The following SHISA9 variants were observed in gnomAD, a reference collection of about 807,000 sequenced individuals.
SHISA9 encodes the protein shisa family member 9.
SHISA9 carries 13 observed loss-of-function variants against 38.0 expected under a neutral mutation model. The ratio of observed to expected loss-of-function variants is 0.34; its 90% confidence interval spans 0.22 to 0.54. The LOEUF is 0.54. Among genes scored for constraint, SHISA9 ranks in the 20% least tolerant of loss-of-function variants. SHISA9 has a pLI of 0.91. For synonymous variants in SHISA9, 275 were observed against 242.0 expected (o/e 1.14, Z -1.27); for missense variants, 538 against 575.8 (o/e 0.93, Z 0.67).
chr16:13,434,922 T>C, the SHISA9 span, among the ~76,000 whole-genome samples: 5 of 152,316 alleles, frequency 3.3e-5, no homozygotes, highest in South Asian at 1.0e-3. Context: ...TAGAAAGAGA[T>C]TGGTGCTTTT....
intron 2 of SHISA9, among the ~76,000 whole-genome samples, chr16:12,921,593 C>T (rs971214992): frequency 6.6e-6 from 1 of 152,044 alleles, no homozygotes; most frequent in Non-Finnish European, 1.5e-5. Context: ...GAGACCCTGT[C>T]TCTAAAAAAA....
the SHISA9 span, among the ~76,000 whole-genome samples, chr16:13,496,149 C>T: frequency 2.8e-4 from 43 of 152,226 alleles, no homozygotes; most frequent in African/African-American, 1.0e-3. Flanking sequence ...CTTTTATATT[C>T]TGCATGTAGC....
chr16:13,199,275 C>T (rs2050981088), intron 2 of SHISA9, among the ~76,000 whole-genome samples: 1 of 152,114 alleles, frequency 6.6e-6, no homozygotes, highest in Non-Finnish European at 1.5e-5. Flanking sequence ...GGTAGGGGGG[C>T]CTACCATTGA....
intron 2 of SHISA9, among the ~76,000 whole-genome samples, chr16:12,969,662 G>C (rs2141805726): frequency 6.6e-6 from 1 of 152,252 alleles, no homozygotes; most frequent in East Asian, 1.9e-4. Context: ...CGGGAGAATT[G>C]CTTGAACCCG....
the SHISA9 span, among the ~76,000 whole-genome samples, chr16:13,396,871 A>C: frequency 6.6e-6 from 1 of 152,054 alleles, no homozygotes; most frequent in Non-Finnish European, 1.5e-5. Context: ...ACTACTTTTC[A>C]TAATTTGCAA....
At chr16:13,084,761 CCAT>C (rs2073692345) in intron 2 of SHISA9, among the ~76,000 whole-genome samples, 1 of 149,848 alleles carries the variant, frequency 6.7e-6, no homozygotes. Context: ...AGACCATAGA[CCAT>C]AGACAGACTG....
chr16:13,396,754 A>G, the SHISA9 span, among the ~76,000 whole-genome samples: 1 of 152,066 alleles, frequency 6.6e-6, no homozygotes, highest in Non-Finnish European at 1.5e-5. Context: ...CATCCTTCTC[A>G]TTCTTCACTT....
intron 2 of SHISA9, among the ~76,000 whole-genome samples, chr16:13,171,899 T>A (rs997339717): frequency 5.3e-5 from 8 of 152,218 alleles, no homozygotes; most frequent in African/African-American, 1.9e-4. Flanking sequence ...GATTCTCTCC[T>A]CATTTGTTAA....
chr16:13,540,084 T>A, the SHISA9 span, among the ~76,000 whole-genome samples: 1 of 152,158 alleles, frequency 6.6e-6, no homozygotes, highest in Non-Finnish European at 1.5e-5. Context: ...TCTGCCTTCA[T>A]GACAAAGACT....
At chr16:13,170,356 A>C (rs2050675449) in intron 2 of SHISA9, among the ~76,000 whole-genome samples, 1 of 152,168 alleles carries the variant, frequency 6.6e-6, no homozygotes, top group Non-Finnish European at 1.5e-5. Context: ...AAGATCCCTG[A>C]ACTCAGGGGC....
chr16:13,294,453 A>C, the SHISA9 span, among the ~76,000 whole-genome samples: 1 of 152,192 alleles, frequency 6.6e-6, no homozygotes, highest in Admixed American at 6.5e-5. Context: ...CTCAATAGTG[A>C]TGCAGAAAGT....
At chr16:13,475,372 A>C in the SHISA9 span, among the ~76,000 whole-genome samples, 5 of 151,692 alleles carry the variant, frequency 3.3e-5, no homozygotes, top group African/African-American at 4.8e-5. Flanking sequence ...TATATATATG[A>C]AACAATTATA....
chr16:13,264,462 C>T, the SHISA9 span, among the ~76,000 whole-genome samples: 24 of 152,070 alleles, frequency 1.6e-4, no homozygotes, highest in South Asian at 6.2e-4. Context: ...CTTGAGCCAC[C>T]GTGCTGGCCT....
intron 2 of SHISA9, among the ~76,000 whole-genome samples, chr16:13,030,909 T>C (rs2072983201): frequency 6.6e-6 from 1 of 152,166 alleles, no homozygotes. Flanking sequence ...TAAGTATTGG[T>C]TGAGTGATTG....
At chr16:12,905,146 G>A (rs2071076211) in intron 1 of SHISA9, among the ~76,000 whole-genome samples, 1 of 152,180 alleles carries the variant, frequency 6.6e-6, no homozygotes, top group Admixed American at 6.5e-5. Context: ...GTGTGTGTGT[G>A]CAAGTAAACA....
intron 2 of SHISA9, among the ~76,000 whole-genome samples, chr16:13,070,123 CGTGTGT>C (rs55824636): frequency 0.034 from 4,945 of 145,048 alleles, 231 homozygotes; most frequent in African/African-American, 0.11. Flanking sequence ...CTTTAAAGTA[CGTGTGT>C]GTGTGTGTGT....
chr16:13,338,641 A>G, the SHISA9 span, among the ~76,000 whole-genome samples: 1 of 152,148 alleles, frequency 6.6e-6, no homozygotes, highest in Non-Finnish European at 1.5e-5. Context: ...AGTTGGTTCC[A>G]GGGCAGTAAA....
At chr16:12,939,164 G>C (rs909989253) in intron 2 of SHISA9, among the ~76,000 whole-genome samples, 9 of 151,970 alleles carry the variant, frequency 5.9e-5, no homozygotes, top group African/African-American at 1.7e-4. Flanking sequence ...GCTCACTGCA[G>C]CTTCTGTCTT....
At chr16:13,181,954 T>C (rs1352355600) in intron 2 of SHISA9, among the ~76,000 whole-genome samples, 6 of 152,174 alleles carry the variant, frequency 3.9e-5, no homozygotes, top group Non-Finnish European at 7.3e-5. Flanking sequence ...TTTTGTTCCA[T>C]GCGAGCAATA....
Sources: allele counts gnomAD v4.1 joint callset (sites outside exome capture counted in the v4.1 genomes callset), GRCh38; gene constraint gnomAD v4.1.1; transcripts MANE v1.5; gene names NCBI Gene and HGNC (gene_info 2026-07-23, HGNC 2026-07-21).